NEXN: variants seen among roughly 807,000 people sequenced by gnomAD.
The protein encoded by NEXN is nexilin.
Under a neutral mutation model 92.6 loss-of-function variants are expected in NEXN, and 65 were observed. The observed-to-expected ratio is 0.70, with a 90% confidence interval of 0.57 to 0.86. NEXN has a LOEUF of 0.86. NEXN is among the 40% of genes least tolerant of loss of function. The pLI is 0.00. For synonymous variants in NEXN, 254 were observed against 242.5 expected, an observed-to-expected ratio of 1.05 and a Z score of -0.44; for missense variants, 778 against 771.1, an observed-to-expected ratio of 1.01 and a Z score of -0.11.
At chr1:77,893,546 G>T (rs1000207986) in intron 1 of NEXN, among the ~76,000 whole-genome samples, 1 of 152,108 alleles carries the variant, frequency 6.6e-6, no homozygotes, top group Non-Finnish European at 1.5e-5. Flanking sequence ...TAAGAATCAT[G>T]TGTCTTATTT....
intron 1 of NEXN, among the ~76,000 whole-genome samples, chr1:77,905,764 C>A (rs1236843851): frequency 6.6e-6 from 1 of 152,044 alleles, no homozygotes; most frequent in African/African-American, 2.4e-5. Flanking sequence ...AAGCACTTAA[C>A]CTAGTCTTGT....
chr1:77,920,642 A>AAGG (rs1557976998), intron 5 of NEXN, among the ~76,000 whole-genome samples: 2 of 88,838 alleles, frequency 2.3e-5, no homozygotes, highest in Non-Finnish European at 2.3e-5. Context: ...AAAAAAAAAA[A>AAGG]TGGTGGGGGG....
In NEXN at chr1:77,936,049, A is replaced by G. The variant is rs1650735272; in HGVS notation, c.1473+5A>G. On this transcript the variant is annotated splice_donor_5th_base_variant and intron_variant, in intron 11 of 12. Coordinates refer to ENST00000334785, the MANE Select transcript of NEXN (RefSeq NM_144573.4). ...GAAGCTGAAAATTTTCATGAGGTAT[A>G]TTACCTTTATATTTAACATAGTTAT... is the stretch of plus-strand genomic sequence containing the variant. 1 of 1,571,770 alleles carries G rather than the reference A, an allele frequency of 6.4e-7. No individual in the cohort carries two copies. Among genetic ancestry groups the G allele is most frequent in the African/African-American group, 1.3e-5 (1 of 74,116 alleles).
chr1:77,896,702 T>C (rs985862173), intron 1 of NEXN, among the ~76,000 whole-genome samples: 8 of 151,618 alleles, frequency 5.3e-5, no homozygotes, highest in African/African-American at 1.9e-4. Context: ...GAGGTTGCAG[T>C]GAGCTGAGAT....
At chr1:77,896,808 T>C (rs1647283064) in intron 1 of NEXN, among the ~76,000 whole-genome samples, 1 of 148,984 alleles carries the variant, frequency 6.7e-6, no homozygotes, top group South Asian at 2.2e-4. Flanking sequence ...ATAGATGCAA[T>C]AAAAAATGAT....
At chr1:77,912,221 A>T (rs189501459) in intron 1 of NEXN, among the ~76,000 whole-genome samples, 115 of 152,320 alleles carry the variant, frequency 7.5e-4, no homozygotes, top group African/African-American at 2.3e-3. Flanking sequence ...CAACTATGAA[A>T]TTATTTAGGG....
chr1:77,916,341 G>A (rs1648974192), intron 2 of NEXN, among the ~76,000 whole-genome samples: 1 of 152,134 alleles, frequency 6.6e-6, no homozygotes, highest in Admixed American at 6.5e-5. Context: ...ATTCTACAAA[G>A]CATGAGTAGT....
intron 1 of NEXN, among the ~76,000 whole-genome samples, chr1:77,895,394 A>G (rs563408032): frequency 6.6e-6 from 1 of 152,152 alleles, no homozygotes; most frequent in Non-Finnish European, 1.5e-5. Context: ...CATTAATTAA[A>G]TGCAATAAAG....
chr1:77,928,236 G>A (rs776880685), intron 8 of NEXN, among the ~76,000 whole-genome samples: 9 of 151,478 alleles, frequency 5.9e-5, no homozygotes, highest in East Asian at 1.9e-4. Flanking sequence ...GCTTGAGCCC[G>A]GGAAATCAAG....
chr1:77,907,038 C>T lies in NEXN; in HGVS notation c.-52-9017C>T, dbSNP rs74538969. Among the ~76,000 whole-genome samples the T allele has an allele frequency of 6.2e-3, 938 of 152,242 alleles. 10 individuals carry two copies. The highest frequency in any genetic ancestry group is 0.021 in the African/African-American group (882 of 41,530). On this transcript the variant is annotated intron_variant, in intron 1 of 12. Transcript: ENST00000334785. ...ATGACAATGCTTGTTAACTACTTGG[C>T]ACATTACCAGGCACACGGTAAAGAC...
chr1:77,927,025 A>G, intron 8 of NEXN, 133 bp downstream of exon 8: 1 of 1,228,076 alleles, frequency 8.1e-7, no homozygotes, highest in Non-Finnish European at 1.1e-6. Context: ...CATATTTCAT[A>G]TATAAAATAC....
At chr1:77,921,209 G>T (rs902573332) in intron 5 of NEXN, among the ~76,000 whole-genome samples, 1 of 152,130 alleles carries the variant, frequency 6.6e-6, no homozygotes, top group Non-Finnish European at 1.5e-5. Flanking sequence ...ACTTAGCCAG[G>T]AGGTGGTGGT....
intron 3 of NEXN, 100 bp downstream of exon 3, chr1:77,917,857 TA>T: frequency 7.0e-7 from 1 of 1,424,382 alleles, no homozygotes; most frequent in Non-Finnish European, 9.9e-7. Context: ...TAACTATAAC[TA>T]AAATACTTTT....
intron 1 of NEXN, among the ~76,000 whole-genome samples, chr1:77,892,082 CA>C (rs760743534): frequency 2.5e-3 from 336 of 136,702 alleles, no homozygotes; most frequent in Middle Eastern, 3.9e-3. Context: ...GGCTCTGTGT[CA>C]AAAAAAAAAA....
intron 1 of NEXN, among the ~76,000 whole-genome samples, chr1:77,900,816 A>G (rs865845128): frequency 6.6e-6 from 1 of 152,146 alleles, no homozygotes; most frequent in African/African-American, 2.4e-5. Context: ...TAACGATTCA[A>G]TTGACTTGCC....
intron 1 of NEXN, among the ~76,000 whole-genome samples, chr1:77,913,760 A>T (rs1256655787): frequency 6.6e-6 from 1 of 152,186 alleles, no homozygotes; most frequent in Non-Finnish European, 1.5e-5. Flanking sequence ...ATAATCCAGT[A>T]ATCATGGTCC....
At chr1:77,897,475 A>T (rs1424399415) in intron 1 of NEXN, among the ~76,000 whole-genome samples, 3 of 152,148 alleles carry the variant, frequency 2.0e-5, no homozygotes, top group Non-Finnish European at 4.4e-5. Flanking sequence ...CATGCTAAAA[A>T]CTCTCAATAA....
At chr1:77,904,649 C>A (rs867682882) in intron 1 of NEXN, among the ~76,000 whole-genome samples, 1 of 152,210 alleles carries the variant, frequency 6.6e-6, no homozygotes, top group South Asian at 2.1e-4. Context: ...GTCTACCATG[C>A]GTACAGAGGA....
At chr1:77,920,635 A>G (rs2102102898) in intron 5 of NEXN, among the ~76,000 whole-genome samples, 1 of 150,396 alleles carries the variant, frequency 6.6e-6, no homozygotes, top group East Asian at 1.9e-4. Flanking sequence ...AAAAAAAAAA[A>G]AAAAAAATGG....
Sources: gnomAD v4.1 joint callset for allele counts (sites outside exome capture counted in the v4.1 genomes callset) on GRCh38, gnomAD v4.1.1 for gene constraint, MANE v1.5 for transcripts, NCBI Gene and HGNC (gene_info 2026-07-23, HGNC 2026-07-21) for gene names.